Variants in TM4SF18 observed in about 807,000 individuals in gnomAD.
The protein encoded by TM4SF18 is transmembrane 4 L six family member 18, also known as transmembrane 4 L6 family member 18.
In TM4SF18, 22 loss-of-function variants were observed where a neutral mutation model predicts 23.8. The ratio of observed to expected loss-of-function variants is 0.92; its 90% confidence interval spans 0.66 to 1.32. The LOEUF (loss-of-function observed/expected upper bound fraction) is 1.32, where lower values mean the gene tolerates loss of function less well. Ranked by LOEUF, TM4SF18 falls within the 40% of genes most tolerant of loss-of-function variation. The pLI, the probability that TM4SF18 is intolerant of heterozygous loss-of-function variation, is 0.00. For missense variants in TM4SF18, 255 were observed against 240.3 expected, an observed-to-expected ratio of 1.06 and a Z score of -0.41; for synonymous variants, 87 against 87.9, an observed-to-expected ratio of 0.99 and a Z score of 0.06.
At chr3:149,325,334 A>G (rs1466692767) in intron 3 of TM4SF18, among the ~76,000 whole-genome samples, 3 of 152,244 alleles carry the variant, frequency 2.0e-5, no homozygotes, top group Admixed American at 6.5e-5. Context: ...GATGTGATCA[A>G]TCAACCCATA....
At chr3:149,321,652 C>T (rs541858307) in intron 5 of TM4SF18, among the ~76,000 whole-genome samples, 160 bp from the exon 6 acceptor site, 1 of 152,332 alleles carries the variant, frequency 6.6e-6, no homozygotes, top group East Asian at 1.9e-4. Flanking sequence ...ATTACACATT[C>T]TGTTGTTAAA....
At chr3:149,321,523 A>T (rs1464802355) in intron 5 of TM4SF18, 31 bp from the exon 6 acceptor site, 1 of 1,530,360 alleles carries the variant, frequency 6.5e-7, no homozygotes, top group South Asian at 1.2e-5. Flanking sequence ...CAAAGTGATT[A>T]AAGTTATAAA....
rs113892871 is a variant in TM4SF18 at position 149,324,076 on chromosome 3, C to T, written c.410+804G>A. 1.6e-3 allele frequency among the ~76,000 whole-genome samples: 239 copies of T among 152,296 alleles called. 1 individual carries two copies. The highest frequency in any genetic ancestry group is 5.6e-3 in the African/African-American group (231 of 41,570). On this transcript the variant is annotated intron_variant, in intron 4 of 5. Transcript: ENST00000296059. Reference sequence around the variant, plus strand: ...AGTTGAGAAGAAAATTTAACTTCCCCCAGTGAATGGTACAGACATTCCCTC... The same window carrying T: ...AGTTGAGAAGAAAATTTAACTTCCCTCAGTGAATGGTACAGACATTCCCTC...
At chr3:149,322,956 T>G (rs1053203444) in intron 4 of TM4SF18, among the ~76,000 whole-genome samples, 1 of 149,796 alleles carries the variant, frequency 6.7e-6, no homozygotes, top group Non-Finnish European at 1.5e-5. Context: ...CAGGCTGGAG[T>G]GCAGTGGCGC....
chr3:149,332,353 G>A (rs1731104494), intron 2 of TM4SF18, among the ~76,000 whole-genome samples: 1 of 152,104 alleles, frequency 6.6e-6, no homozygotes, highest in African/African-American at 2.4e-5. Flanking sequence ...GGTCTGATTA[G>A]CTTACAGTCC....
intron 2 of TM4SF18, 95 bp from the exon 3 acceptor site, chr3:149,330,514 G>A (rs1443999113): frequency 5.3e-6 from 4 of 753,662 alleles, no homozygotes; most frequent in Admixed American, 5.7e-5. Flanking sequence ...TAGAGTCTGG[G>A]GTCAGGTAGA....
intron 3 of TM4SF18, among the ~76,000 whole-genome samples, chr3:149,326,687 TC>T (rs1730955358): frequency 6.6e-6 from 1 of 152,222 alleles, no homozygotes; most frequent in African/African-American, 2.4e-5. Context: ...CATTCCTCTC[TC>T]CTTTGCCTCT....
intron 3 of TM4SF18, among the ~76,000 whole-genome samples, chr3:149,329,256 C>T (rs1297147993): frequency 2.6e-5 from 4 of 151,278 alleles, no homozygotes; most frequent in African/African-American, 7.3e-5. Flanking sequence ...AATAAAGCAA[C>T]GAATTTAATT....
In TM4SF18 at chr3:149,320,625, T is replaced by G. The variant is rs1207091104; in HGVS notation, c.*853A>C. On this transcript the variant is annotated 3_prime_UTR_variant, in exon 6 of 6. Coordinates refer to ENST00000296059, the MANE Select transcript of TM4SF18 (RefSeq NM_138786.4). Reference sequence around the variant, plus strand: ...TAAAACTCTTTTTGGCTCATCTATATCACTACTTTCCTCATTGAATGTTGA... The same window carrying G: ...TAAAACTCTTTTTGGCTCATCTATAGCACTACTTTCCTCATTGAATGTTGA... The G allele has an allele frequency of 2.0e-5, 3 of 152,202 alleles. No homozygotes were observed. The highest frequency in any genetic ancestry group is 2.9e-5 in the Non-Finnish European group (2 of 68,036). The allele number at this position is 152,202 out of a possible 1,614,324, so 9.4% of individuals were successfully genotyped here. A position where few individuals can be genotyped will look rare whatever the true frequency, so the allele number is the denominator to read the frequency against.
chr3:149,327,452 G>T (rs1730978450), intron 3 of TM4SF18, among the ~76,000 whole-genome samples: 1 of 144,098 alleles, frequency 6.9e-6, no homozygotes, highest in South Asian at 2.2e-4. Context: ...AGGAGGAAAT[G>T]AGTAGCTGGA....
chr3:149,319,924 C>A lies in TM4SF18; in HGVS notation c.*1554G>T, dbSNP rs574307686. 6.6e-6 allele frequency: 1 copy of A among 152,264 alleles called. No homozygotes were observed. The highest frequency in any genetic ancestry group is 6.5e-5 in the Admixed American group (1 of 15,288). 9.4% of individuals were successfully genotyped at this position (152,264 alleles called of 1,614,324 possible). A position where few individuals can be genotyped will look rare whatever the true frequency, so the allele number is the denominator to read the frequency against. ...GCCATTAGCAAGACAATAGGCTGCC[C>A]ATGACTCTGGGGCCTGCCCCAGTTC... On this transcript the variant is annotated 3_prime_UTR_variant, in exon 6 of 6. Coordinates refer to ENST00000296059, the MANE Select transcript of TM4SF18 (RefSeq NM_138786.4).
chr3:149,330,319 G>T lies in TM4SF18; in HGVS notation c.267+11C>A, dbSNP rs1731061792. On this transcript the variant is annotated intron_variant, in intron 3 of 5. Transcript: ENST00000296059. ...CCACTCAACCATCCTCAAAAAAACT[G>T]TTGCTCTTACCACATATTTTTTGCT... is the stretch of plus-strand genomic sequence containing the variant. 1 of 1,598,230 alleles carries T rather than the reference G, an allele frequency of 6.3e-7. No homozygotes were observed.
At chr3:149,333,155 G>A (rs377301004) in intron 2 of TM4SF18, 51 bp downstream of exon 2, 2 of 1,489,040 alleles carry the variant, frequency 1.3e-6, no homozygotes, top group Admixed American at 1.8e-5. Context: ...TACAAGGTAA[G>A]TCTCAATTAC....
chr3:149,332,885 A>G (rs186719368), intron 2 of TM4SF18, among the ~76,000 whole-genome samples: 8 of 152,284 alleles, frequency 5.3e-5, no homozygotes, highest in East Asian at 1.9e-4. Flanking sequence ...AGAAAACAGT[A>G]ATGCCACTGA....
chr3:149,320,910 T>C lies in TM4SF18; in HGVS notation c.*568A>G, dbSNP rs1274166262. On this transcript the variant is annotated 3_prime_UTR_variant, in exon 6 of 6. Coordinates refer to ENST00000296059, the MANE Select transcript of TM4SF18 (RefSeq NM_138786.4). ...TAGTTTTCATCCTAAACTTTGACTA[T>C]TAGTGTTTCATTTGCTTTAAATAGT... 6.6e-6 allele frequency: 1 copy of C among 152,166 alleles called. No individual in the cohort carries two copies. The highest frequency in any genetic ancestry group is 1.9e-4 in the East Asian group (1 of 5,196). 9.4% of individuals were successfully genotyped at this position (152,166 alleles called of 1,614,324 possible). A position where few individuals can be genotyped will look rare whatever the true frequency, so the allele number is the denominator to read the frequency against.
chr3:149,319,083 CT>C lies in TM4SF18; in HGVS notation c.*2394del, dbSNP rs1392148950. 1 of 152,158 alleles carries C rather than the reference CT, an allele frequency of 6.6e-6. No individual in the cohort carries two copies. The highest frequency in any genetic ancestry group is 1.5e-5 in the Non-Finnish European group (1 of 68,030). The allele number at this position is 152,158 out of a possible 1,614,324, so 9.4% of individuals were successfully genotyped here. A position where few individuals can be genotyped will look rare whatever the true frequency, so the allele number is the denominator to read the frequency against. On this transcript the variant is annotated 3_prime_UTR_variant, in exon 6 of 6. Coordinates refer to ENST00000296059, the MANE Select transcript of TM4SF18 (RefSeq NM_138786.4). ...TATCATGCTGCATTTGGCTGTACCC[CT>C]GATGTGTCCAATGCTGTGGTGGAGT...
intron 3 of TM4SF18, 25 bp from the exon 4 acceptor site, chr3:149,325,047 T>G: frequency 6.2e-7 from 1 of 1,608,596 alleles, no homozygotes; most frequent in Non-Finnish European, 8.5e-7. Flanking sequence ...AGAAGCAGGT[T>G]AGTACCATAG....
At chr3:149,327,660 G>T (rs1730984064) in intron 3 of TM4SF18, among the ~76,000 whole-genome samples, 1 of 152,062 alleles carries the variant, frequency 6.6e-6, no homozygotes, top group East Asian at 1.9e-4. Context: ...GAAAAAGTAA[G>T]ACCAACAAAC....
At chr3:149,326,101 C>T (rs569445718) in intron 3 of TM4SF18, among the ~76,000 whole-genome samples, 2 of 152,272 alleles carry the variant, frequency 1.3e-5, no homozygotes, top group South Asian at 4.2e-4. Flanking sequence ...CATACACCTC[C>T]TAAGAATAAA....
Sources: allele counts gnomAD v4.1 joint callset (sites outside exome capture counted in the v4.1 genomes callset), GRCh38; gene constraint gnomAD v4.1.1; transcripts MANE v1.5; gene names NCBI Gene and HGNC (gene_info 2026-07-23, HGNC 2026-07-21).